Variants in DUS2 observed in about 807,000 individuals in gnomAD.
The protein encoded by DUS2 is dihydrouridine synthase 2.
DUS2 carries 52 observed loss-of-function variants against 71.3 expected under a neutral mutation model. That is an observed-to-expected ratio of 0.73 (90% CI 0.58 to 0.92). DUS2 has a LOEUF of 0.92. Among genes scored for constraint, DUS2 ranks in the 40% least tolerant of loss-of-function variants. The probability of loss-of-function intolerance (pLI) is 0.00; values close to 1 mark genes in which losing one functional copy is unlikely to be tolerated. For missense variants in DUS2, 558 were observed against 622.6 expected (o/e 0.90, Z 1.10); for synonymous variants, 204 against 227.8 (o/e 0.90, Z 0.94).
intron 15 of DUS2, among the ~76,000 whole-genome samples, chr16:68,076,921 T>C (rs938938329): frequency 1.3e-5 from 2 of 152,086 alleles, no homozygotes; most frequent in Non-Finnish European, 2.9e-5. Flanking sequence ...CTCTTTTTTT[T>C]TTTTTTGAAA....
At chr16:68,037,112 G>A (rs2151413000) in intron 2 of DUS2, among the ~76,000 whole-genome samples, 1 of 150,654 alleles carries the variant, frequency 6.6e-6, no homozygotes. Flanking sequence ...CTCCAGTGCA[G>A]GTATCTGAGT....
chr16:68,074,763 C>T (rs566673429), intron 13 of DUS2, among the ~76,000 whole-genome samples: 1 of 152,320 alleles, frequency 6.6e-6, no homozygotes, highest in South Asian at 2.1e-4. Flanking sequence ...CCACTTTTGC[C>T]ATTGGGGATC....
chr16:68,054,699 T>C, intron 6 of DUS2, 82 bp downstream of exon 6: 1 of 1,513,838 alleles, frequency 6.6e-7, no homozygotes, highest in Non-Finnish European at 9.2e-7. Flanking sequence ...ACTTTGTAGG[T>C]GACTCACCCT....
At chr16:68,028,406 C>T (rs905871855) in intron 2 of DUS2, among the ~76,000 whole-genome samples, 7 of 151,918 alleles carry the variant, frequency 4.6e-5, no homozygotes, top group Non-Finnish European at 1.0e-4. Flanking sequence ...GAGGCCAAGG[C>T]GGGTGAATCA....
Position 68,074,133 on chromosome 16 carries a change from G to A in DUS2, c.910G>A (p.Ala304Thr), listed in dbSNP as rs748862241. ...ESPQGRLLHA[A>T]QSSREICEAF... ...GCCCCAGGGAAGGTTGCTCCATGCT[G>A]CCCAGTCTTCCCGGGAAATTTGGTA... The change falls in exon 13 of 17, where the codon GCC becomes ACC. Residue 304 changes from alanine (A) to threonine (T), a missense_variant. Coordinates refer to ENST00000565263, the MANE Select transcript of DUS2 (RefSeq NM_017803.5). 1.1e-5 allele frequency: 18 copies of A among 1,614,170 alleles called. No homozygotes were observed. The highest frequency in any genetic ancestry group is 1.4e-5 in the Non-Finnish European group (17 of 1,180,010).
At chr16:68,070,364 C>CT in intron 11 of DUS2, 144 bp downstream of exon 11, 1 of 690,108 alleles carries the variant, frequency 1.4e-6, no homozygotes, top group Non-Finnish European at 2.5e-6. Flanking sequence ...AGACCTGTTC[C>CT]TTCTGCTGCC....
chr16:68,076,919 T>G (rs2034167092), intron 15 of DUS2, among the ~76,000 whole-genome samples, 200 bp downstream of exon 15: 1 of 152,118 alleles, frequency 6.6e-6, no homozygotes, highest in Admixed American at 6.5e-5. Flanking sequence ...CTCTCTTTTT[T>G]TTTTTTTTGA....
chr16:68,043,594 G>A (rs2033661908), intron 3 of DUS2, among the ~76,000 whole-genome samples: 1 of 152,066 alleles, frequency 6.6e-6, no homozygotes, highest in African/African-American at 2.4e-5. Context: ...CCATTTGTAG[G>A]TCATATTCAC....
chr16:68,053,819 A>G (rs1303357675), intron 5 of DUS2, 164 bp downstream of exon 5: 2 of 647,498 alleles, frequency 3.1e-6, no homozygotes, highest in Non-Finnish European at 5.4e-6. Flanking sequence ...AGTCATGAGT[A>G]ATTATACTAT....
intron 3 of DUS2, among the ~76,000 whole-genome samples, chr16:68,038,568 A>G (rs1446133257): frequency 6.6e-6 from 1 of 151,366 alleles, no homozygotes; most frequent in Non-Finnish European, 1.5e-5. Context: ...TGTCTCTACT[A>G]AAAATAGAAA....
At chr16:68,060,051 T>C (rs2033918012) in intron 7 of DUS2, among the ~76,000 whole-genome samples, 1 of 152,216 alleles carries the variant, frequency 6.6e-6, no homozygotes, top group African/African-American at 2.4e-5. Flanking sequence ...ACAAGGTTTG[T>C]AAGTTGTGTG....
intron 3 of DUS2, among the ~76,000 whole-genome samples, chr16:68,039,989 G>GAGGA (rs1220537903): frequency 6.6e-6 from 1 of 152,126 alleles, no homozygotes; most frequent in Non-Finnish European, 1.5e-5. Flanking sequence ...TGTAGTATAA[G>GAGGA]AGGAAGGAAG....
intron 2 of DUS2, among the ~76,000 whole-genome samples, chr16:68,033,221 G>A (rs532435605): frequency 5.3e-4 from 80 of 152,274 alleles, no homozygotes; most frequent in Non-Finnish European, 8.4e-4. Flanking sequence ...ACAGATGAGC[G>A]GAGGGTTTCT....
Position 68,033,789 on chromosome 16 carries a change from G to A in DUS2, c.-18-4217G>A, listed in dbSNP as rs560815666. On this transcript the variant is annotated intron_variant, in intron 2 of 16. Transcript: ENST00000565263. Reference sequence around the variant, plus strand: ...TGGGATTACAGGCGCATGCCACCACGTCTGGCTAATTTTTGTATTTTTAGT... The same window carrying A: ...TGGGATTACAGGCGCATGCCACCACATCTGGCTAATTTTTGTATTTTTAGT... 5.3e-5 allele frequency among the ~76,000 whole-genome samples: 8 copies of A among 151,762 alleles called. No homozygotes were observed. The East Asian group carries it at 1.4e-3, about 26-fold the overall frequency.
At chr16:68,049,472 A>T in intron 3 of DUS2, 33 bp from the exon 4 acceptor site, 4 of 1,612,196 alleles carry the variant, frequency 2.5e-6, no homozygotes, top group Non-Finnish European at 3.4e-6. Flanking sequence ...CTACATGTTC[A>T]GGAATGACAA....
intron 3 of DUS2, among the ~76,000 whole-genome samples, chr16:68,045,676 T>C (rs1314752613): frequency 6.6e-6 from 1 of 151,988 alleles, no homozygotes; most frequent in Non-Finnish European, 1.5e-5. Context: ...TGGATGCCTT[T>C]TATTTTATTT....
rs2034198218 is a variant in DUS2 at position 68,078,868 on chromosome 16, C to G, written c.1364C>G (p.Ala455Gly). Residue 455 changes from alanine (A) to glycine (G), a missense_variant, in exon 17 of 17, where the codon GCT becomes GGT. By Grantham distance (60) the Ala-to-Gly change is moderately conservative. Coordinates refer to ENST00000565263, the MANE Select transcript of DUS2 (RefSeq NM_017803.5). Reference sequence around the variant, plus strand: ...TCCTTGCACAAGCGAAAGAGGGAGGCTCCTGACCAAGACCCTGGGGGCCCC... The same window carrying G: ...TCCTTGCACAAGCGAAAGAGGGAGGGTCCTGACCAAGACCCTGGGGGCCCC... ...SPSLHKRKREAPDQDPGGPRA... is the reference protein window; with the variant it reads ...SPSLHKRKREGPDQDPGGPRA... The G allele has an allele frequency of 6.2e-7, 1 of 1,613,794 alleles. No homozygotes were observed. The highest frequency in any genetic ancestry group is 8.5e-7 in the Non-Finnish European group (1 of 1,179,832).
At chr16:68,035,690 CTCTT>C (rs900061894) in intron 2 of DUS2, among the ~76,000 whole-genome samples, 3 of 147,462 alleles carry the variant, frequency 2.0e-5, no homozygotes, top group Non-Finnish European at 3.0e-5. Context: ...TGCCTGGTCT[CTCTT>C]CTTCATTCTA....
intron 3 of DUS2, among the ~76,000 whole-genome samples, chr16:68,039,737 A>AC (rs2033593596): frequency 7.0e-6 from 1 of 142,830 alleles, no homozygotes; most frequent in African/African-American, 2.8e-5. Flanking sequence ...TTCTTGAAAA[A>AC]AAGCAAGGAA....
Sources: gnomAD v4.1 joint callset for allele counts (sites outside exome capture counted in the v4.1 genomes callset) on GRCh38, gnomAD v4.1.1 for gene constraint, MANE v1.5 for transcripts, NCBI Gene and HGNC (gene_info 2026-07-23, HGNC 2026-07-21) for gene names.